The following RBFOX1 variants were observed in gnomAD, a reference collection of about 807,000 sequenced individuals.
The protein encoded by RBFOX1 is RNA binding fox-1 homolog 1, also known as RNA binding protein fox-1 homolog 1.
A neutral mutation model predicts 57.7 loss-of-function variants in RBFOX1; 8 were observed. The ratio of observed to expected loss-of-function variants is 0.14; its 90% confidence interval spans 0.08 to 0.25. The LOEUF is 0.25. RBFOX1 is among the 10% of genes least tolerant of loss of function. The pLI is 1.00. For synonymous variants in RBFOX1, 326 were observed against 222.4 expected (o/e 1.47, Z -4.15); for missense variants, 611 against 548.5 (o/e 1.11, Z -1.14).
chr16:7,387,234 C>G (rs2097899663), intron 4 of RBFOX1, among the ~76,000 whole-genome samples: 2 of 152,102 alleles, frequency 1.3e-5, no homozygotes, highest in South Asian at 4.1e-4. Context: ...AAAGTACCTA[C>G]CATGCATTAT....
At chr16:7,375,505 TG>T (rs1233483043) in intron 4 of RBFOX1, among the ~76,000 whole-genome samples, 1 of 151,024 alleles carries the variant, frequency 6.6e-6, no homozygotes, top group Non-Finnish European at 1.5e-5. Context: ...TTTGTTTTTT[TG>T]TTTTTTTTTT....
At chr16:7,178,136 C>G (rs1049604929) in intron 4 of RBFOX1, among the ~76,000 whole-genome samples, 10 of 152,188 alleles carry the variant, frequency 6.6e-5, no homozygotes, top group Admixed American at 1.3e-4. Flanking sequence ...GCAGCAGCAA[C>G]AACAACAACA....
chr16:7,624,075 G>T (rs778102268), intron 10 of RBFOX1, among the ~76,000 whole-genome samples: 48 of 152,154 alleles, frequency 3.2e-4, no homozygotes, highest in Admixed American at 2.2e-3. Flanking sequence ...TTTACCTCTG[G>T]TTGGTAAGGT....
At chr16:6,125,857 AC>A (rs1418015962) in intron 1 of RBFOX1, among the ~76,000 whole-genome samples, 12 of 152,178 alleles carry the variant, frequency 7.9e-5, no homozygotes, top group African/African-American at 2.9e-4. Flanking sequence ...TCCTACTGAT[AC>A]TGCCGGGGAG....
intron 3 of RBFOX1, among the ~76,000 whole-genome samples, chr16:6,801,217 A>AAG (rs1555483273): frequency 2.8e-5 from 4 of 145,348 alleles, no homozygotes; most frequent in Non-Finnish European, 1.5e-5. Flanking sequence ...AAAAAAAAAA[A>AAG]GTAACGTTAC....
intron 10 of RBFOX1, among the ~76,000 whole-genome samples, chr16:7,622,552 T>TATTATTCTTTGTATTATTCTTGA (rs2059467888): frequency 6.6e-6 from 1 of 152,166 alleles, no homozygotes; most frequent in Non-Finnish European, 1.5e-5. Flanking sequence ...ATTATTCTTG[T>TATTATTCTTTGTATTATTCTTGA]GACTTTTCCA....
intron 14 of RBFOX1, 145 bp downstream of exon 14, chr16:7,676,983 A>G (rs1358207818): frequency 2.8e-6 from 2 of 717,616 alleles, no homozygotes; most frequent in African/African-American, 3.5e-5. Flanking sequence ...GTGAACGTGA[A>G]CTCAAGTCCC....
intron 1 of RBFOX1, among the ~76,000 whole-genome samples, chr16:6,100,409 G>A (rs1157648546): frequency 1.3e-5 from 2 of 152,242 alleles, no homozygotes; most frequent in Admixed American, 1.3e-4. Flanking sequence ...TGATCCGCCC[G>A]CCGCGGCCTC....
chr16:7,422,136 T>A (rs889134235), intron 4 of RBFOX1, among the ~76,000 whole-genome samples: 16 of 152,260 alleles, frequency 1.1e-4, no homozygotes, highest in African/African-American at 3.1e-4. Context: ...CACATCGTAT[T>A]TCTGTGTGTA....
chr16:6,810,582 C>T (rs1161792955), intron 3 of RBFOX1, among the ~76,000 whole-genome samples: 2 of 151,854 alleles, frequency 1.3e-5, no homozygotes, highest in African/African-American at 4.8e-5. Flanking sequence ...TTATGAGTTT[C>T]ATAGTGCTAT....
rs1023925637 is a variant in RBFOX1 at position 6,529,021 on chromosome 16, A to G, written c.-63-125582A>G. 2.0e-5 allele frequency among the ~76,000 whole-genome samples: 3 copies of G among 152,300 alleles called. No individual in the cohort carries two copies. The East Asian group carries it at 5.8e-4, about 29-fold the overall frequency. On this transcript the variant is annotated intron_variant, in intron 2 of 15. Coordinates refer to ENST00000550418, the MANE Select transcript of RBFOX1 (RefSeq NM_018723.4). ...CCTCCTTGGCAGGTGTGCAAGAGAA[A>G]CGCATTTTACTCAATACCTAATTAA...
At chr16:6,071,902 T>C (rs1018229657) in intron 1 of RBFOX1, among the ~76,000 whole-genome samples, 8 of 152,212 alleles carry the variant, frequency 5.3e-5, no homozygotes, top group Non-Finnish European at 4.4e-5. Context: ...AATGTACAAA[T>C]GTCAGGATTT....
chr16:7,607,277 G>C lies in RBFOX1; in HGVS notation c.623-8G>C. Reference sequence around the variant, plus strand: ...GTGATAATAATGTTTTTGTGTATTTGTTTTAAGGCTGGAAATTGAATCCAG... The same window carrying C: ...GTGATAATAATGTTTTTGTGTATTTCTTTTAAGGCTGGAAATTGAATCCAG... On this transcript the variant is annotated splice_region_variant and splice_polypyrimidine_tract_variant and intron_variant, in intron 9 of 15. Transcript: ENST00000550418. 6.2e-7 allele frequency: 1 copy of C among 1,607,332 alleles called. No individual in the cohort carries two copies. The highest frequency in any genetic ancestry group is 2.2e-5 in the East Asian group (1 of 44,720).
intron 14 of RBFOX1, 52 bp from the exon 15 acceptor site, chr16:7,708,987 GATTTTATGATTGTTATT>G: frequency 6.9e-7 from 1 of 1,457,810 alleles, no homozygotes; most frequent in Admixed American, 1.7e-5. Context: ...TGGTATTTTG[GATTTTATGATTGTTATT>G]GTTTTGTAAT....
At chr16:7,519,847 T>A in intron 5 of RBFOX1, 2 of 500,386 alleles carry the variant, frequency 4.0e-6, no homozygotes. Flanking sequence ...ACTTGCCACC[T>A]CATTCATTTG....
intron 1 of RBFOX1, among the ~76,000 whole-genome samples, chr16:6,295,325 C>T (rs145243117): frequency 3.1e-3 from 467 of 152,242 alleles, no homozygotes; most frequent in African/African-American, 0.011. Context: ...GAGGTTTCAT[C>T]ATGTTGGCCA....
chr16:6,707,485 T>G (rs556082573), intron 3 of RBFOX1, among the ~76,000 whole-genome samples: 4 of 151,482 alleles, frequency 2.6e-5, no homozygotes, highest in Non-Finnish European at 4.4e-5. Flanking sequence ...TTTGTTTTTT[T>G]TTTTTTTTTG....
At chr16:6,315,814 A>G (rs1289913330) in intron 1 of RBFOX1, among the ~76,000 whole-genome samples, 1 of 152,080 alleles carries the variant, frequency 6.6e-6, no homozygotes, top group Non-Finnish European at 1.5e-5. Context: ...AAGTCACTTG[A>G]TGTTTTTAGG....
chr16:6,831,687 A>G lies in RBFOX1; in HGVS notation c.-16+177037A>G, dbSNP rs946986723. 5.3e-5 allele frequency among the ~76,000 whole-genome samples: 8 copies of G among 152,164 alleles called. No individual in the cohort carries two copies. In the East Asian group the frequency reaches 5.8e-4, roughly 11 times the overall value. On this transcript the variant is annotated intron_variant, in intron 3 of 15. Coordinates refer to ENST00000550418, the MANE Select transcript of RBFOX1 (RefSeq NM_018723.4). Reference sequence around the variant, plus strand: ...AAGATGATAACTTGCAACCAGTTCTATTATTTTTAACTCTTTGCCCCTTCC... The same window carrying G: ...AAGATGATAACTTGCAACCAGTTCTGTTATTTTTAACTCTTTGCCCCTTCC...
Sources: allele counts gnomAD v4.1 joint callset (sites outside exome capture counted in the v4.1 genomes callset), GRCh38; gene constraint gnomAD v4.1.1; transcripts MANE v1.5; gene names NCBI Gene and HGNC (gene_info 2026-07-23, HGNC 2026-07-21).